The following GALNT13 variants were observed in gnomAD, a reference collection of about 807,000 sequenced individuals.
The protein encoded by GALNT13 is UDP-GalNAc:polypeptide N-acetylgalactosaminyltransferase 13.
In GALNT13, 28 loss-of-function variants were observed where a neutral mutation model predicts 64.2. That is an observed-to-expected ratio of 0.44 (90% CI 0.32 to 0.60). The LOEUF is 0.60. Among genes scored for constraint, GALNT13 ranks in the 20% least tolerant of loss-of-function variants. The pLI, the probability that GALNT13 is intolerant of heterozygous loss-of-function variation, is 0.05. For missense variants in GALNT13, 577 were observed against 669.8 expected (o/e 0.86, Z 1.53); for synonymous variants, 214 against 224.6 (o/e 0.95, Z 0.42).
chr2:153,545,117 A>G, the GALNT13 span, among the ~76,000 whole-genome samples: 2 of 152,006 alleles, frequency 1.3e-5, no homozygotes, highest in Non-Finnish European at 2.9e-5. Flanking sequence ...GAAAAAAAAA[A>G]GGAGCGCTTA....
chr2:153,227,082 T>C, the GALNT13 span, among the ~76,000 whole-genome samples: 1 of 152,306 alleles, frequency 6.6e-6, no homozygotes, highest in South Asian at 2.1e-4. Context: ...GATCACATCA[T>C]GTGATGGGAA....
chr2:154,277,190 A>G (rs1228877491), intron 8 of GALNT13, among the ~76,000 whole-genome samples: 1 of 152,208 alleles, frequency 6.6e-6, no homozygotes, highest in Non-Finnish European at 1.5e-5. Context: ...AAATGGCAGG[A>G]TTAATAAAGT....
At chr2:153,997,548 A>C (rs1038714292) in intron 3 of GALNT13, among the ~76,000 whole-genome samples, 2 of 152,052 alleles carry the variant, frequency 1.3e-5, no homozygotes, top group Non-Finnish European at 2.9e-5. Context: ...TACTGATTTC[A>C]CTTACTAGTT....
chr2:153,186,694 G>A, the GALNT13 span, among the ~76,000 whole-genome samples: 16 of 152,174 alleles, frequency 1.1e-4, no homozygotes, highest in African/African-American at 3.9e-4. Context: ...AGCCTCCGGA[G>A]TGACTGGGAG....
the GALNT13 span, among the ~76,000 whole-genome samples, chr2:153,240,967 T>A: frequency 2.6e-5 from 4 of 152,114 alleles, no homozygotes; most frequent in Non-Finnish European, 5.9e-5. Flanking sequence ...AGGAGACTTT[T>A]CCTCAATCAG....
chr2:153,114,768 G>A, the GALNT13 span, among the ~76,000 whole-genome samples: 1 of 152,014 alleles, frequency 6.6e-6, no homozygotes, highest in African/African-American at 2.4e-5. Flanking sequence ...AAACAAAGTG[G>A]CAAAAACTGA....
intron 2 of GALNT13, among the ~76,000 whole-genome samples, chr2:153,934,494 G>A (rs1227442845): frequency 6.6e-6 from 1 of 152,130 alleles, no homozygotes; most frequent in Non-Finnish European, 1.5e-5. Flanking sequence ...ATGGACTTCT[G>A]TATTAGAGCA....
chr2:154,283,063 G>T (rs1178912514), intron 8 of GALNT13, among the ~76,000 whole-genome samples: 1 of 152,132 alleles, frequency 6.6e-6, no homozygotes, highest in Non-Finnish European at 1.5e-5. Context: ...CATGCCTTTT[G>T]TGTTTGTGCA....
At chr2:154,385,752 G>T (rs554912601) in intron 9 of GALNT13, among the ~76,000 whole-genome samples, 6 of 152,036 alleles carry the variant, frequency 3.9e-5, no homozygotes, top group African/African-American at 1.2e-4. Context: ...TCCATGGAGG[G>T]ATAGATGAGT....
At chr2:154,294,118 T>G (rs769327524) in intron 8 of GALNT13, among the ~76,000 whole-genome samples, 10 of 152,200 alleles carry the variant, frequency 6.6e-5, no homozygotes, top group Non-Finnish European at 1.2e-4. Flanking sequence ...GGAGAAGCAC[T>G]CACATTATTT....
chr2:153,418,038 A>T, the GALNT13 span, among the ~76,000 whole-genome samples: 4 of 152,218 alleles, frequency 2.6e-5, no homozygotes, highest in Non-Finnish European at 5.9e-5. Context: ...CCTTCCAAAG[A>T]TGCTCACATC....
At chr2:153,658,893 C>T in the GALNT13 span, among the ~76,000 whole-genome samples, 13 of 151,990 alleles carry the variant, frequency 8.6e-5, no homozygotes, top group Admixed American at 3.3e-4. Flanking sequence ...AAAAACACAT[C>T]TGTTGACCCA....
intron 9 of GALNT13, among the ~76,000 whole-genome samples, chr2:154,380,517 CCTTATAGT>C (rs1698216847): frequency 6.6e-6 from 1 of 151,852 alleles, no homozygotes; most frequent in South Asian, 2.1e-4. Flanking sequence ...ACCTAAACAA[CCTTATAGT>C]CATCCTTCCA....
chr2:153,477,876 C>A, the GALNT13 span: 1 of 292,984 alleles, frequency 3.4e-6, no homozygotes. Context: ...GGTCTCTCCC[C>A]TGCCCGCCCT....
the GALNT13 span, among the ~76,000 whole-genome samples, chr2:153,112,043 A>G: frequency 4.6e-5 from 7 of 152,050 alleles, no homozygotes; most frequent in Non-Finnish European, 8.8e-5. Flanking sequence ...CACCAAATCA[A>G]GTGACTGCCT....
chr2:153,829,658 A>G, the GALNT13 span, among the ~76,000 whole-genome samples: 2 of 152,146 alleles, frequency 1.3e-5, no homozygotes, highest in African/African-American at 4.8e-5. Context: ...TGCCAAGCAG[A>G]CAGTTAATTG....
chr2:153,884,365 A>G (rs540340876), intron 1 of GALNT13, among the ~76,000 whole-genome samples: 96 of 152,090 alleles, frequency 6.3e-4, no homozygotes, highest in African/African-American at 2.2e-3. Flanking sequence ...ATCATAATCC[A>G]TAAAGATATT....
At chr2:153,150,712 C>T in the GALNT13 span, among the ~76,000 whole-genome samples, 4 of 152,186 alleles carry the variant, frequency 2.6e-5, no homozygotes, top group East Asian at 7.8e-4. Context: ...TTTCCCAGCA[C>T]CATTTATTAA....
intron 3 of GALNT13, among the ~76,000 whole-genome samples, chr2:154,031,377 A>G (rs1698327176): frequency 6.6e-6 from 1 of 152,088 alleles, no homozygotes; most frequent in African/African-American, 2.4e-5. Flanking sequence ...TAGAGAACAG[A>G]CAGAAAGATG....
Sources: allele counts gnomAD v4.1 joint callset (sites outside exome capture counted in the v4.1 genomes callset), GRCh38; gene constraint gnomAD v4.1.1; transcripts MANE v1.5; gene names NCBI Gene and HGNC (gene_info 2026-07-23, HGNC 2026-07-21).